STK3: variants seen among roughly 807,000 people sequenced by gnomAD.
The protein encoded by STK3 is serine/threonine kinase 3.
A neutral mutation model predicts 58.0 loss-of-function variants in STK3; 41 were observed. That is an observed-to-expected ratio of 0.71 (90% CI 0.55 to 0.92). The LOEUF is 0.92. Among genes scored for constraint, STK3 ranks in the 40% least tolerant of loss-of-function variants. STK3 has a pLI of 0.00. For missense variants in STK3, 479 were observed against 602.7 expected, an observed-to-expected ratio of 0.79 and a Z score of 2.15; for synonymous variants, 170 against 191.0, an observed-to-expected ratio of 0.89 and a Z score of 0.91.
At chr8:98,869,046 G>GGAAGGAAGGAAGGAAA (rs1837256889) in intron 3 of STK3, among the ~76,000 whole-genome samples, 1 of 134,706 alleles carries the variant, frequency 7.4e-6, no homozygotes, top group African/African-American at 2.8e-5. Flanking sequence ...AAGGAAGGAA[G>GGAAGGAAGGAAGGAAA]GAAGGAAGGA....
At chr8:98,760,820 C>T (rs2131408160) in intron 3 of STK3, among the ~76,000 whole-genome samples, 1 of 151,816 alleles carries the variant, frequency 6.6e-6, no homozygotes, top group East Asian at 1.9e-4. Context: ...ACTCTTTATC[C>T]TAATGGTCCT....
At chr8:98,706,319 A>G (rs1346154319) in intron 6 of STK3, 148 bp downstream of exon 6, 7 of 779,222 alleles carry the variant, frequency 9.0e-6, no homozygotes, top group Non-Finnish European at 1.3e-5. Context: ...AGAAGTTAAC[A>G]GTTACTAATC....
At chr8:98,696,122 A>G (rs1420012283) in intron 6 of STK3, among the ~76,000 whole-genome samples, 1 of 152,162 alleles carries the variant, frequency 6.6e-6, no homozygotes, top group African/African-American at 2.4e-5. Context: ...TTCTCTTTGA[A>G]GCAATTGTGA....
chr8:98,452,862 G>A (rs1386802785), downstream of STK3, among the ~76,000 whole-genome samples: 1 of 150,268 alleles, frequency 6.7e-6, no homozygotes. Context: ...CCAGGTTCAA[G>A]CGATTCTCCT....
At chr8:98,654,808 C>T (rs576329166) in intron 6 of STK3, among the ~76,000 whole-genome samples, 167 of 152,218 alleles carry the variant, frequency 1.1e-3, no homozygotes, top group African/African-American at 3.7e-3. Flanking sequence ...AGGAGAACTA[C>T]AAACCACTGC....
chr8:98,640,340 G>A (rs957194144), intron 6 of STK3, among the ~76,000 whole-genome samples: 2 of 152,126 alleles, frequency 1.3e-5, no homozygotes, highest in Non-Finnish European at 2.9e-5. Context: ...TTGAGCAACT[G>A]TGCCTGACCT....
chr8:98,817,569 T>C (rs956230471), intron 1 of STK3, among the ~76,000 whole-genome samples: 1 of 152,158 alleles, frequency 6.6e-6, no homozygotes, highest in African/African-American at 2.4e-5. Flanking sequence ...TTCTTGGGAT[T>C]ATGAAATTCC....
intron 1 of STK3, among the ~76,000 whole-genome samples, chr8:98,885,547 C>G (rs1837954637): frequency 6.6e-6 from 1 of 152,216 alleles, no homozygotes; most frequent in Admixed American, 6.5e-5. Context: ...TCAAGCGATT[C>G]TCCCGCTTCA....
intron 8 of STK3, among the ~76,000 whole-genome samples, chr8:98,565,183 G>C (rs1470636870): frequency 6.6e-6 from 1 of 152,072 alleles, no homozygotes; most frequent in Admixed American, 6.6e-5. Context: ...AATCTGTTAG[G>C]AAGGTTTTTA....
chr8:98,680,534 G>A (rs1355969461), intron 6 of STK3, among the ~76,000 whole-genome samples: 1 of 152,150 alleles, frequency 6.6e-6, no homozygotes, highest in African/African-American at 2.4e-5. Flanking sequence ...ACTTACTACA[G>A]CTGCCAGGTA....
At chr8:98,671,260 G>C (rs1822810669) in intron 6 of STK3, among the ~76,000 whole-genome samples, 1 of 151,914 alleles carries the variant, frequency 6.6e-6, no homozygotes, top group Non-Finnish European at 1.5e-5. Context: ...TAAATAGAAG[G>C]GCTAACTCCT....
chr8:98,587,476 T>G (rs1375348747), intron 7 of STK3, among the ~76,000 whole-genome samples: 1 of 152,166 alleles, frequency 6.6e-6, no homozygotes, highest in Non-Finnish European at 1.5e-5. Flanking sequence ...TTTGTTATAA[T>G]TTCTGTTCTT....
At chr8:98,419,053 C>T (rs1289707004) in intron 3 of STK3, among the ~76,000 whole-genome samples, 4 of 152,216 alleles carry the variant, frequency 2.6e-5, no homozygotes, top group Admixed American at 6.5e-5. Flanking sequence ...CCAAGTCTGG[C>T]TTCTGGCCCC....
chr8:98,488,765 C>T (rs1247471478), intron 10 of STK3, among the ~76,000 whole-genome samples: 3 of 152,188 alleles, frequency 2.0e-5, no homozygotes, highest in African/African-American at 7.2e-5. Context: ...TGGTATGGTA[C>T]ATTGGTAGCT....
At chr8:98,893,059 T>C (rs551201685) in intron 1 of STK3, among the ~76,000 whole-genome samples, 1 of 152,040 alleles carries the variant, frequency 6.6e-6, no homozygotes, top group African/African-American at 2.4e-5. Context: ...ACAGGTTCTA[T>C]TGGGATTGCT....
At chr8:98,382,705 G>T (rs1817749590) in intron 1 of STK3, among the ~76,000 whole-genome samples, 1 of 152,122 alleles carries the variant, frequency 6.6e-6, no homozygotes, top group Non-Finnish European at 1.5e-5. Context: ...CTGGAAAGCG[G>T]CCTGACAGCT....
At chr8:98,942,497 G>A (rs1840474079) in exon 1 of STK3, 1 of 152,310 alleles carries the variant, frequency 6.6e-6, no homozygotes, top group Admixed American at 6.5e-5. Flanking sequence ...GGGTTAGGAG[G>A]TTTGCGGAAA....
At chr8:98,689,265 C>T (rs1824229353) in intron 6 of STK3, among the ~76,000 whole-genome samples, 1 of 152,076 alleles carries the variant, frequency 6.6e-6, no homozygotes, top group Non-Finnish European at 1.5e-5. Context: ...AAATTACACA[C>T]CTACCAATGA....
At chr8:98,889,135 A>C (rs1390237995) in intron 1 of STK3, among the ~76,000 whole-genome samples, 1 of 152,226 alleles carries the variant, frequency 6.6e-6, no homozygotes, top group Non-Finnish European at 1.5e-5. Flanking sequence ...TGTCCTTACC[A>C]GTTTTGTAAA....
Sources: allele counts gnomAD v4.1 joint callset (sites outside exome capture counted in the v4.1 genomes callset), GRCh38; gene constraint gnomAD v4.1.1; transcripts MANE v1.5; gene names NCBI Gene and HGNC (gene_info 2026-07-23, HGNC 2026-07-21).